ADAM32: variants seen among roughly 807,000 people sequenced by gnomAD.
The protein encoded by ADAM32 is ADAM metallopeptidase domain 32, also known as disintegrin and metalloproteinase domain-containing protein 32.
Under a neutral mutation model 114.9 loss-of-function variants are expected in ADAM32, and 89 were observed. That is an observed-to-expected ratio of 0.77 (90% CI 0.65 to 0.92). The LOEUF is 0.92. Among genes scored for constraint, ADAM32 ranks in the 40% least tolerant of loss-of-function variants. The pLI is 0.00. For synonymous variants in ADAM32, 285 were observed against 307.5 expected, an observed-to-expected ratio of 0.93 and a Z score of 0.77; for missense variants, 870 against 932.8, an observed-to-expected ratio of 0.93 and a Z score of 0.88.
At chr8:39,222,887 T>A (rs1028165927) in intron 13 of ADAM32, among the ~76,000 whole-genome samples, 153 bp from the exon 14 acceptor site, 3 of 152,132 alleles carry the variant, frequency 2.0e-5, no homozygotes, top group African/African-American at 4.8e-5. Flanking sequence ...TTTATATTTT[T>A]ATATTATTAG....
chr8:39,185,332 C>T (rs1448592911), intron 10 of ADAM32, among the ~76,000 whole-genome samples: 1 of 112,298 alleles, frequency 8.9e-6, no homozygotes, highest in Non-Finnish European at 1.8e-5. Context: ...CTACTGTCAT[C>T]TCCAGTCTAC....
At chr8:39,209,999 C>T (rs1808105084) in intron 11 of ADAM32, among the ~76,000 whole-genome samples, 1 of 152,204 alleles carries the variant, frequency 6.6e-6, no homozygotes, top group Admixed American at 6.5e-5. Flanking sequence ...CCCACAGTCA[C>T]TATTACCTGA....
chr8:39,217,021 C>A lies in ADAM32; in HGVS notation c.1234-4589C>A, dbSNP rs188059511. 1.3e-4 allele frequency among the ~76,000 whole-genome samples: 20 copies of A among 151,950 alleles called. No individual in the cohort carries two copies. In the East Asian group the frequency reaches 3.9e-3, roughly 29 times the overall value. On this transcript the variant is annotated intron_variant, in intron 12 of 24. Coordinates refer to ENST00000379907, the MANE Select transcript of ADAM32 (RefSeq NM_145004.7). The stretch of plus-strand genomic sequence containing the variant: ...GATTAAATAATTCCCTTGTACATTT[C>A]TTGCAGGACAGGTCTGGTGTTGATG...
At position 39,205,587 on chromosome 8, in the gene ADAM32, T is replaced by C. The variant is rs1807772815; in HGVS notation, c.1053-5557T>C. On this transcript the variant is annotated intron_variant, in intron 11 of 24. Coordinates refer to ENST00000379907, the MANE Select transcript of ADAM32 (RefSeq NM_145004.7). ...GCACTTCCTAGGTGAGGTGGTACCT[T>C]GCCCTGCTTCGCCTCACACTTGGTG... Among the ~76,000 whole-genome samples the C allele has an allele frequency of 1.3e-5, 2 of 152,204 alleles. 1 individual carries two copies. Among genetic ancestry groups the C allele is most frequent in the South Asian group, 4.1e-4 (2 of 4,830 alleles).
At chr8:39,149,403 T>A (rs1382654967) in intron 4 of ADAM32, among the ~76,000 whole-genome samples, 1 of 152,178 alleles carries the variant, frequency 6.6e-6, no homozygotes, top group Non-Finnish European at 1.5e-5. Context: ...AGCCCTTCAA[T>A]CTTCCTGTGT....
intron 20 of ADAM32, among the ~76,000 whole-genome samples, chr8:39,272,661 G>A (rs1474579378): frequency 6.6e-6 from 1 of 152,132 alleles, no homozygotes; most frequent in African/African-American, 2.4e-5. Context: ...AAGTTGCTCC[G>A]GGTGAGTCAG....
chr8:39,198,363 ATTCT>A (rs1323464944), intron 11 of ADAM32, among the ~76,000 whole-genome samples: 1 of 151,974 alleles, frequency 6.6e-6, no homozygotes, highest in African/African-American at 2.4e-5. Context: ...TGATTGATAT[ATTCT>A]TTCTTTCATT....
chr8:39,283,509 C>A, intron 23 of ADAM32, 77 bp from the exon 24 acceptor site: 7 of 1,153,166 alleles, frequency 6.1e-6, no homozygotes, highest in Non-Finnish European at 6.0e-6. Flanking sequence ...AAGAAATTGC[C>A]ATAACAAATA....
In ADAM32 at chr8:39,272,153, CA is replaced by C. The variant is rs554592535; in HGVS notation, c.2201+1240del. ...AAGAAAGCAAAAGAAATAAAAGAAA[CA>C]TAAGTAGGATGAATAGGGACAAAAT... On this transcript the variant is annotated intron_variant, in intron 20 of 24. Coordinates refer to ENST00000379907, the MANE Select transcript of ADAM32 (RefSeq NM_145004.7). Among the ~76,000 whole-genome samples the C allele has an allele frequency of 1.4e-4, 18 of 129,650 alleles. No homozygotes were observed. The East Asian group carries it at 4.0e-3, about 29-fold the overall frequency. 85.1% of individuals were successfully genotyped at this position (129,650 alleles called of 152,430 possible).
chr8:39,124,215 C>T (rs1416781812), intron 2 of ADAM32, among the ~76,000 whole-genome samples: 2 of 151,938 alleles, frequency 1.3e-5, no homozygotes, highest in Non-Finnish European at 1.5e-5. Flanking sequence ...GTGTTTTTCC[C>T]CACTATGCGT....
chr8:39,165,139 T>C lies in ADAM32; in HGVS notation c.776T>C (p.Leu259Ser), dbSNP rs1804747227. 2 of 1,603,788 alleles carry C rather than the reference T, an allele frequency of 1.2e-6. No homozygotes were observed. The highest frequency in any genetic ancestry group is 1.7e-6 in the Non-Finnish European group (2 of 1,172,096). ...GEADELLQKFLEWKQSYLNLR... is the reference protein window; with the variant it reads ...GEADELLQKFSEWKQSYLNLR... ...GCAGATGAATTATTGCAAAAATTTTTAGAATGGAAACAATCTTATCTTAAC... is the reference window on the plus strand; with the variant it reads ...GCAGATGAATTATTGCAAAAATTTTCAGAATGGAAACAATCTTATCTTAAC... Residue 259 changes from leucine (L) to serine (S), a missense_variant, in exon 9 of 25, where the codon TTA becomes TCA. Leu to Ser is a moderately radical substitution (Grantham distance 145). Transcript: ENST00000379907.
At chr8:39,237,930 T>C (rs1564660384) in intron 16 of ADAM32, among the ~76,000 whole-genome samples, 2 of 152,184 alleles carry the variant, frequency 1.3e-5, no homozygotes, top group Admixed American at 1.3e-4. Flanking sequence ...CTACAGCTGA[T>C]GCTCTCTTGA....
intron 11 of ADAM32, among the ~76,000 whole-genome samples, chr8:39,190,509 T>A (rs1294906697): frequency 6.6e-6 from 1 of 152,254 alleles, no homozygotes; most frequent in African/African-American, 2.4e-5. Context: ...ACATTCCCAC[T>A]GACAGCGTAT....
intron 11 of ADAM32, among the ~76,000 whole-genome samples, chr8:39,201,672 C>T (rs181010847): frequency 2.6e-4 from 40 of 152,170 alleles, no homozygotes; most frequent in Middle Eastern, 3.4e-3. Context: ...ATGTTGAATA[C>T]GAGTGGTAAG....
At chr8:39,112,672 C>G (rs985279076) in intron 1 of ADAM32, among the ~76,000 whole-genome samples, 1 of 152,160 alleles carries the variant, frequency 6.6e-6, no homozygotes, top group South Asian at 2.1e-4. Flanking sequence ...TGAAATGCCA[C>G]ATTTAGTAGA....
In ADAM32 at chr8:39,151,374, C is replaced by T; in HGVS notation, c.354-3C>T. 6.4e-7 allele frequency: 1 copy of T among 1,573,448 alleles called. No individual in the cohort carries two copies. Among genetic ancestry groups the T allele is most frequent in the South Asian group, 1.2e-5 (1 of 82,188 alleles). On this transcript the variant is annotated splice_polypyrimidine_tract_variant and splice_region_variant and intron_variant, in intron 5 of 24. Coordinates refer to ENST00000379907, the MANE Select transcript of ADAM32 (RefSeq NM_145004.7). ...ACTTAAAATTGTATTCATAATTTCACAGAGGAATACTGCAATTTGAAAATG... is the reference window on the plus strand; with the variant it reads ...ACTTAAAATTGTATTCATAATTTCATAGAGGAATACTGCAATTTGAAAATG...
At chr8:39,183,763 A>C (rs1806055050) in intron 10 of ADAM32, among the ~76,000 whole-genome samples, 1 of 152,246 alleles carries the variant, frequency 6.6e-6, no homozygotes, top group African/African-American at 2.4e-5. Flanking sequence ...TCTGTGTTAC[A>C]GGACATGTGA....
Position 39,114,295 on chromosome 8 carries a change from T to A in ADAM32, c.59-3791T>A, listed in dbSNP as rs2129444133. 1.3e-5 allele frequency among the ~76,000 whole-genome samples: 2 copies of A among 151,972 alleles called. 1 individual carries two copies. The highest frequency in any genetic ancestry group is 4.2e-4 in the South Asian group (2 of 4,810). On this transcript the variant is annotated intron_variant, in intron 1 of 24. Transcript: ENST00000379907. Reference sequence around the variant, plus strand: ...AAGGACACAGGACACTATGGAGGAGTCTGCAGGGGAAGATTCGCAGCACAT... The same window carrying A: ...AAGGACACAGGACACTATGGAGGAGACTGCAGGGGAAGATTCGCAGCACAT...
chr8:39,116,367 A>G (rs1056058492), intron 1 of ADAM32, among the ~76,000 whole-genome samples: 1 of 152,152 alleles, frequency 6.6e-6, no homozygotes, highest in Non-Finnish European at 1.5e-5. Context: ...CCTATCCATG[A>G]GTATGGAATG....
Sources: allele counts gnomAD v4.1 joint callset (sites outside exome capture counted in the v4.1 genomes callset), GRCh38; gene constraint gnomAD v4.1.1; transcripts MANE v1.5; gene names NCBI Gene and HGNC (gene_info 2026-07-23, HGNC 2026-07-21).